The following UBASH3B variants were observed in gnomAD, a reference collection of about 807,000 sequenced individuals.
UBASH3B encodes ubiquitin-associated and SH3 domain-containing protein B.
A neutral mutation model predicts 83.4 loss-of-function variants in UBASH3B; 37 were observed. The ratio of observed to expected loss-of-function variants is 0.44; its 90% CI spans 0.34 to 0.58. The LOEUF (loss-of-function observed/expected upper bound fraction) is 0.58. Ranked by LOEUF, UBASH3B falls within the 20% of genes least tolerant of loss-of-function variation. The probability of loss-of-function intolerance (pLI) is 0.01; values close to 1 mark genes in which losing one functional copy is unlikely to be tolerated. For synonymous variants in UBASH3B, 304 were observed against 318.3 expected (o/e 0.96, Z 0.48); for missense variants, 657 against 827.2 (o/e 0.79, Z 2.52).
intron 1 of UBASH3B, among the ~76,000 whole-genome samples, chr11:122,750,932 CATTTT>C (rs1861189142): frequency 6.6e-6 from 1 of 152,180 alleles, no homozygotes; most frequent in Admixed American, 6.5e-5. Context: ...TACAGAAACT[CATTTT>C]ATTATCATTT....
At chr11:122,769,500 TCTA>T (rs1349206682) in intron 1 of UBASH3B, among the ~76,000 whole-genome samples, 1 of 152,164 alleles carries the variant, frequency 6.6e-6, no homozygotes, top group African/African-American at 2.4e-5. Flanking sequence ...TCATTTTTCT[TCTA>T]CTAGAGAAAC....
chr11:122,768,794 C>T (rs1194087217), intron 1 of UBASH3B, among the ~76,000 whole-genome samples: 4 of 152,198 alleles, frequency 2.6e-5, no homozygotes, highest in East Asian at 3.9e-4. Flanking sequence ...TGTGAGCCAC[C>T]GTGCCCAGCC....
chr11:122,691,102 CTTG>C (rs1320792713), intron 1 of UBASH3B, among the ~76,000 whole-genome samples: 1 of 152,174 alleles, frequency 6.6e-6, no homozygotes, highest in East Asian at 1.9e-4. Flanking sequence ...TCATGGTTAA[CTTG>C]TTGTCCAGAT....
chr11:122,788,405 C>T (rs1860992139), intron 5 of UBASH3B, among the ~76,000 whole-genome samples: 1 of 152,056 alleles, frequency 6.6e-6, no homozygotes, highest in South Asian at 2.1e-4. Flanking sequence ...CCTGTCTCTA[C>T]TAAAAATACA....
intron 1 of UBASH3B, among the ~76,000 whole-genome samples, chr11:122,688,593 C>T (rs1246225131): frequency 6.6e-6 from 1 of 150,552 alleles, no homozygotes; most frequent in Non-Finnish European, 1.5e-5. Flanking sequence ...ACTACAGACG[C>T]CCGCCACCAC....
At chr11:122,754,159 C>T (rs1184635381) in intron 1 of UBASH3B, among the ~76,000 whole-genome samples, 1 of 152,172 alleles carries the variant, frequency 6.6e-6, no homozygotes, top group Non-Finnish European at 1.5e-5. Context: ...GAGGAGAACT[C>T]CAAAGGTTAC....
chr11:122,696,069 C>T (rs1393245867), intron 1 of UBASH3B, among the ~76,000 whole-genome samples: 4 of 152,232 alleles, frequency 2.6e-5, no homozygotes, highest in Admixed American at 2.0e-4. Flanking sequence ...CCTGCCTCAG[C>T]CACCTGAGTA....
At chr11:122,781,260 T>C (rs1211451072) in intron 4 of UBASH3B, among the ~76,000 whole-genome samples, 1 of 151,632 alleles carries the variant, frequency 6.6e-6, no homozygotes, top group African/African-American at 2.4e-5. Flanking sequence ...GAGCTTAATA[T>C]TTCAGAGAAA....
chr11:122,777,421 C>A (rs1860757483), intron 3 of UBASH3B, among the ~76,000 whole-genome samples: 1 of 152,160 alleles, frequency 6.6e-6, no homozygotes, highest in African/African-American at 2.4e-5. Flanking sequence ...CCCAGGAGCA[C>A]CCCAGGATGG....
intron 1 of UBASH3B, among the ~76,000 whole-genome samples, chr11:122,699,531 C>CTCTTTTTCTTTCTTTCTTTCTTTCTT (rs1555137138): frequency 2.1e-4 from 23 of 107,866 alleles, no homozygotes; most frequent in African/African-American, 8.1e-4. Flanking sequence ...TTCTTTCTTT[C>CTCTTTTTCTTTCTTTCTTTCTTTCTT]TCTTTCTTTC....
chr11:122,661,636 A>G (rs1863439652), intron 1 of UBASH3B, among the ~76,000 whole-genome samples: 1 of 152,190 alleles, frequency 6.6e-6, no homozygotes, highest in Non-Finnish European at 1.5e-5. Flanking sequence ...CTGTGTTATT[A>G]TACACTGTAA....
intron 4 of UBASH3B, among the ~76,000 whole-genome samples, chr11:122,780,720 G>A (rs1224515193): frequency 6.6e-6 from 1 of 152,222 alleles, no homozygotes; most frequent in Non-Finnish European, 1.5e-5. Flanking sequence ...CCTGCAGGCG[G>A]GCGGGTGGCA....
chr11:122,735,604 A>G (rs1204857185), intron 1 of UBASH3B, among the ~76,000 whole-genome samples: 1 of 152,238 alleles, frequency 6.6e-6, no homozygotes, highest in Non-Finnish European at 1.5e-5. Flanking sequence ...AGTGTGGGAA[A>G]TGCCCAGAGA....
intron 1 of UBASH3B, among the ~76,000 whole-genome samples, chr11:122,738,503 C>G (rs7126205): frequency 1 from 152,336 of 152,340 alleles, 76,166 homozygotes; most frequent in Middle Eastern, 1. Flanking sequence ...GAAGCCTGAG[C>G]CATGGGGTTA....
At chr11:122,766,581 A>G (rs1860542773) in intron 1 of UBASH3B, among the ~76,000 whole-genome samples, 1 of 151,820 alleles carries the variant, frequency 6.6e-6, no homozygotes. Flanking sequence ...ATACCAAAAA[A>G]TAAAAAATAA....
chr11:122,662,687 T>G (rs1188286308), intron 1 of UBASH3B, among the ~76,000 whole-genome samples: 1 of 152,176 alleles, frequency 6.6e-6, no homozygotes, highest in Non-Finnish European at 1.5e-5. Context: ...CGCCTCGGCC[T>G]CCCAAAGTGC....
intron 1 of UBASH3B, among the ~76,000 whole-genome samples, chr11:122,709,885 T>C (rs1052485805): frequency 3.9e-5 from 6 of 152,098 alleles, no homozygotes; most frequent in African/African-American, 1.4e-4. Flanking sequence ...GGCCAGGGGC[T>C]GTGGGTCGCG....
In UBASH3B at chr11:122,806,872, C is replaced by A. The variant is rs1861350172; in HGVS notation, c.1702+356C>A. On this transcript the variant is annotated intron_variant, in intron 12 of 13. Coordinates refer to ENST00000284273, the MANE Select transcript of UBASH3B (RefSeq NM_032873.5). This position sits in a 1 kb window ranked among gnomAD's most constrained non-coding sequence, Gnocchi z 4.0. ...GGCATGCACACCTACACACAGCACA[C>A]CTACACAAACACATACACCTTCCCT... Among the ~76,000 whole-genome samples the A allele has an allele frequency of 6.6e-6, 1 of 152,164 alleles. No homozygotes were observed. The highest frequency in any genetic ancestry group is 6.5e-5 in the Admixed American group (1 of 15,268).
At chr11:122,772,644 C>A (rs1565559192) in intron 1 of UBASH3B, among the ~76,000 whole-genome samples, 1 of 152,116 alleles carries the variant, frequency 6.6e-6, no homozygotes, top group Admixed American at 6.5e-5. Context: ...CCAGACCAAC[C>A]TTGAATTCAA....
Sources: gnomAD v4.1 joint callset for allele counts (sites outside exome capture counted in the v4.1 genomes callset) on GRCh38, gnomAD v4.1.1 for gene constraint, Gnocchi (gnomAD v3.1) non-coding constraint, MANE v1.5 for transcripts, NCBI Gene and HGNC (gene_info 2026-07-23, HGNC 2026-07-21) for gene names.